Variants in RPL9 observed in about 807,000 individuals in gnomAD.
RPL9 encodes the protein ribosomal protein L9, also known as large ribosomal subunit protein uL6.
For missense variants in RPL9, 149 were observed against 236.7 expected, an observed-to-expected ratio of 0.63 and a Z score of 2.43; for synonymous variants, 82 against 77.1, an observed-to-expected ratio of 1.06 and a Z score of -0.33.
At position 39,458,094 on chromosome 4, in the gene RPL9, C is replaced by T. The variant is rs768857447; in HGVS notation, c.162+100G>A. The T allele has an allele frequency of 9.7e-6, 11 of 1,132,764 alleles. No homozygotes were observed. The Admixed American group carries it at 2.2e-4, about 22-fold the overall frequency. 70.2% of individuals were successfully genotyped at this position (1,132,764 alleles called of 1,614,324 possible). ...TGGACAGCAACATTTAAAGCTGAAG[C>T]ACTGAACCTTAATTCGAAAATTGTT... On this transcript the variant is annotated intron_variant, in intron 3 of 7. Transcript: ENST00000295955.
At chr4:39,454,842 T>C (rs772782257) in intron 6 of RPL9, 22 bp downstream of exon 6, 7 of 1,608,120 alleles carry the variant, frequency 4.4e-6, no homozygotes, top group East Asian at 2.2e-5. Flanking sequence ...TAGGCATAGT[T>C]AGACATAGTA....
intron 7 of RPL9, 90 bp from the exon 8 acceptor site, chr4:39,454,315 C>CT (rs1744003221): frequency 4.5e-6 from 2 of 449,436 alleles, no homozygotes; most frequent in Admixed American, 7.9e-5. Context: ...TCTAAATAAT[C>CT]TAAAACATAC....
Position 39,458,421 on chromosome 4 carries a change from T to C in RPL9, c.19A>G (p.Asn7Asp), listed in dbSNP as rs778677660. The C allele has an allele frequency of 6.2e-7, 1 of 1,614,236 alleles. No homozygotes were observed. Among genetic ancestry groups the C allele is most frequent in the Non-Finnish European group, 8.5e-7 (1 of 1,180,046 alleles). Residue 7 changes from asparagine to aspartate, a missense_variant, in exon 2 of 8, where the codon AAT (asparagine) becomes GAT (aspartate). Coordinates refer to ENST00000295955, the MANE Select transcript of RPL9 (RefSeq NM_000661.5). Reference protein sequence around the residue: MKTILSNQTVDIPENVD... With the variant: MKTILSDQTVDIPENVD... ...TTTTCTGGAATGTCGACAGTCTGAT[T>C]GCTGAGAATAGTCTTCATTCTGAAA...
At position 39,457,367 on chromosome 4, in the gene RPL9, A is replaced by C. The variant is rs76719739; in HGVS notation, c.258+219T>G. The C allele has an allele frequency of 3.1e-3, 1,274 of 412,628 alleles. 15 individuals carry two copies. Among genetic ancestry groups the C allele is most frequent in the African/African-American group, 0.024 (1,149 of 47,744 alleles). The allele number at this position is 412,628 out of a possible 1,614,324, so 25.6% of individuals were successfully genotyped here. A position where few individuals can be genotyped will look rare whatever the true frequency, so the allele number is the denominator to read the frequency against. On this transcript the variant is annotated intron_variant, in intron 4 of 7. Coordinates refer to ENST00000295955, the MANE Select transcript of RPL9 (RefSeq NM_000661.5). The stretch of plus-strand genomic sequence containing the variant: ...CCAGCCTTGATTAAAAAAAAAAAAA[A>C]CCCAACAACAGAAAAAAACAAACAT...
chr4:39,457,855 T>C (rs1031451596), intron 3 of RPL9, 174 bp from the exon 4 acceptor site: 3 of 647,692 alleles, frequency 4.6e-6, no homozygotes, highest in Admixed American at 2.8e-5. Context: ...TTTGTAGAAG[T>C]TGCAACAAAC....
chr4:39,454,277 GA>G (rs997259669), intron 7 of RPL9, 52 bp from the exon 8 acceptor site: 1 of 285,610 alleles, frequency 3.5e-6, no homozygotes, highest in Admixed American at 4.7e-5. Context: ...ACTTGCCCAG[GA>G]AAGTACTAAT....
chr4:39,456,121 T>C (rs528890230), intron 5 of RPL9: 37 of 418,358 alleles, frequency 8.8e-5, no homozygotes, highest in African/African-American at 6.9e-4. Context: ...CTTTTGTAAA[T>C]TTAAAGTCTT....
chr4:39,457,537 T>C lies in RPL9; in HGVS notation c.258+49A>G, dbSNP rs759686179. Reference sequence around the variant, plus strand: ...CACTTACGCTGTATAAAGCACAGGTTTGAGAAACCTCCCTTTCCAAAACAA... The same window carrying C: ...CACTTACGCTGTATAAAGCACAGGTCTGAGAAACCTCCCTTTCCAAAACAA... On this transcript the variant is annotated intron_variant, in intron 4 of 7. Coordinates refer to ENST00000295955, the MANE Select transcript of RPL9 (RefSeq NM_000661.5). The C allele has an allele frequency of 1.5e-5, 22 of 1,451,618 alleles. 1 individual carries two copies. The East Asian group carries it at 4.1e-4, about 27-fold the overall frequency. The allele number at this position is 1,451,618 out of a possible 1,614,324, so 89.9% of individuals were successfully genotyped here. A position where few individuals can be genotyped will look rare whatever the true frequency, so the allele number is the denominator to read the frequency against.
chr4:39,458,833 T>G, intron 1 of RPL9, 58 bp downstream of exon 1: 1 of 692,274 alleles, frequency 1.4e-6, no homozygotes. Flanking sequence ...CCGCAGCCTT[T>G]CCCAGAGCAG....
At chr4:39,457,047 G>A (rs1236885525) in intron 4 of RPL9, 1 of 159,774 alleles carries the variant, frequency 6.3e-6, no homozygotes, top group Non-Finnish European at 1.4e-5. Flanking sequence ...GGGAGAGACG[G>A]TGGGTTGGAA....
chr4:39,458,643 C>G, intron 1 of RPL9: 2 of 627,080 alleles, frequency 3.2e-6, no homozygotes. Flanking sequence ...GCCCAGCAGT[C>G]GAACTCCCAC....
chr4:39,457,969 A>G, intron 3 of RPL9: 1 of 682,510 alleles, frequency 1.5e-6, no homozygotes, highest in Non-Finnish European at 2.7e-6. Flanking sequence ...TTCTAACACC[A>G]TTAAGACGTG....
chr4:39,454,739 G>T, intron 6 of RPL9, 90 bp from the exon 7 acceptor site: 1 of 1,446,420 alleles, frequency 6.9e-7, no homozygotes, highest in Non-Finnish European at 9.4e-7. Context: ...TAAAATTTCA[G>T]AATGTGACCT....
Position 39,454,629 on chromosome 4 carries a change from T to C in RPL9, c.493A>G (p.Thr165Ala). Residue 165 changes from threonine (T) to alanine (A), a missense_variant, in exon 7 of 8, where the codon ACA (threonine) becomes GCA (alanine). Physicochemically the swap from Thr to Ala is moderately conservative, Grantham distance 58. Transcript: ENST00000295955. Reference sequence around the variant, plus strand: ...CTGATATCCTTGTTTTTAACTGTTGTGGCTTGCTGAATCAAAGCCGCTATA... The same window carrying C: ...CTGATATCCTTGTTTTTAACTGTTGCGGCTTGCTGAATCAAAGCCGCTATA... ...SNSAALIQQA[T>A]TVKNKDIRKF... 1 of 1,612,932 alleles carries C rather than the reference T, an allele frequency of 6.2e-7. No individual in the cohort carries two copies. The highest frequency in any genetic ancestry group is 8.5e-7 in the Non-Finnish European group (1 of 1,179,504).
intron 5 of RPL9, 58 bp from the exon 6 acceptor site, chr4:39,455,002 G>A: frequency 6.7e-7 from 1 of 1,492,990 alleles, no homozygotes; most frequent in Non-Finnish European, 9.2e-7. Context: ...TATTTAAATT[G>A]CAGAGGCACT....
intron 4 of RPL9, 38 bp downstream of exon 4, chr4:39,457,544 ACCTC>A (rs749478825): frequency 6.7e-7 from 1 of 1,499,806 alleles, no homozygotes; most frequent in Non-Finnish European, 9.3e-7. Flanking sequence ...GGTTTGAGAA[ACCTC>A]CCTTTCCAAA....
intron 5 of RPL9, 122 bp from the exon 6 acceptor site, chr4:39,455,066 G>A: frequency 2.9e-6 from 3 of 1,022,826 alleles, no homozygotes; most frequent in South Asian, 1.7e-5. Context: ...TTAAGATTTT[G>A]AGGCCGGGCA....
chr4:39,457,690 GAACA>G lies in RPL9; in HGVS notation c.163-13_163-10del. 1 of 1,610,670 alleles carries G rather than the reference GAACA, an allele frequency of 6.2e-7. No homozygotes were observed. The highest frequency in any genetic ancestry group is 8.5e-7 in the Non-Finnish European group (1 of 1,177,008). On this transcript the variant is annotated splice_polypyrimidine_tract_variant and intron_variant, in intron 3 of 7. Transcript: ENST00000295955. ...CATTTGTCAACCCGGAGCTGTAACA[GAACA>G]AAAAATGTATTCTTTCCAGAAATAT...
chr4:39,458,153 C>A (rs1744193056), intron 3 of RPL9, 41 bp downstream of exon 3: 1 of 1,597,762 alleles, frequency 6.3e-7, no homozygotes, highest in South Asian at 1.1e-5. Context: ...TATAAACCAC[C>A]TTCCAACGAG....
Sources: gnomAD v4.1 joint callset for allele counts on GRCh38, gnomAD v4.1.1 for gene constraint, MANE v1.5 for transcripts, NCBI Gene and HGNC (gene_info 2026-07-23, HGNC 2026-07-21) for gene names.